PCDHGA12: variants seen among roughly 807,000 people sequenced by gnomAD.
PCDHGA12 encodes the protein protocadherin gamma-A12.
In PCDHGA12, 43 loss-of-function variants were observed where a neutral mutation model predicts 61.1. That is an observed-to-expected ratio of 0.70 (90% confidence interval 0.55 to 0.91). The LOEUF (loss-of-function observed/expected upper bound fraction) is 0.91. Ranked by LOEUF, PCDHGA12 falls within the 40% of genes least tolerant of loss-of-function variation. The pLI, the probability that PCDHGA12 is intolerant of heterozygous loss-of-function variation, is 0.00. For synonymous variants in PCDHGA12, 520 were observed against 542.9 expected (o/e 0.96, Z 0.59); for missense variants, 1,236 against 1,227.7 (o/e 1.01, Z -0.10).
At chr5:141,455,860 ATTATTTATTTATTTATTTATTTAT>A (rs145569377) in intron 1 of PCDHGA12, among the ~76,000 whole-genome samples, 10 of 139,848 alleles carry the variant, frequency 7.2e-5, no homozygotes, top group Admixed American at 5.1e-4. Flanking sequence ...AATTTCTTTT[ATTATTTATTTATTTATTTATTTAT>A]TTATTTATTT....
intron 2 of PCDHGA12, among the ~76,000 whole-genome samples, chr5:141,498,555 C>T (rs2099784323): frequency 6.6e-6 from 1 of 152,032 alleles, no homozygotes; most frequent in South Asian, 2.1e-4. Flanking sequence ...GACACACCAG[C>T]TTCAAAGCAG....
chr5:141,452,533 A>G lies in PCDHGA12; in HGVS notation c.2424+19350A>G, dbSNP rs562306062. ...CACACTCCCTCAAAATCGTGAGTTC[A>G]TATTGATACCTCCAGTTCTGGTTCT... On this transcript the variant is annotated intron_variant, in intron 1 of 3. Transcript: ENST00000252085. Among the ~76,000 whole-genome samples the G allele has an allele frequency of 2.0e-5, 3 of 152,328 alleles. No individual in the cohort carries two copies. The East Asian group carries it at 5.8e-4, about 29-fold the overall frequency.
chr5:141,452,387 G>A (rs1052689230), intron 1 of PCDHGA12, among the ~76,000 whole-genome samples: 5 of 152,146 alleles, frequency 3.3e-5, no homozygotes, highest in African/African-American at 1.2e-4. Context: ...ATAGTATTTA[G>A]AAACTAAGAT....
In PCDHGA12 at chr5:141,477,595, T is replaced by C. The variant is rs1289890776; in HGVS notation, c.2425-17212T>C. The C allele has an allele frequency of 6.2e-7, 1 of 1,614,176 alleles. No individual in the cohort carries two copies. Among genetic ancestry groups the C allele is most frequent in the Non-Finnish European group, 8.5e-7 (1 of 1,180,032 alleles). ...ACGCCCCGCAGAATGCTCGGCTTTC[T>C]TTCTTTCTCTTGGAGCAAGGAGCTG... On this transcript the variant is annotated intron_variant, in intron 1 of 3. Coordinates refer to ENST00000252085, the MANE Select transcript of PCDHGA12 (RefSeq NM_003735.3). This position sits in a 1 kb window ranked among gnomAD's most constrained non-coding sequence, Gnocchi z 4.9.
chr5:141,471,846 T>C (rs2099265433), intron 1 of PCDHGA12, among the ~76,000 whole-genome samples: 1 of 152,180 alleles, frequency 6.6e-6, no homozygotes. Context: ...AATAAAATAT[T>C]CAGAAAAAGC....
intron 2 of PCDHGA12, among the ~76,000 whole-genome samples, chr5:141,495,662 C>G (rs545912968): frequency 6.6e-6 from 1 of 152,138 alleles, no homozygotes; most frequent in Admixed American, 6.6e-5. Flanking sequence ...TGATCTGTGC[C>G]GCCCACTGTG....
intron 1 of PCDHGA12, among the ~76,000 whole-genome samples, chr5:141,481,103 C>G (rs190529217): frequency 2.6e-4 from 39 of 152,252 alleles, no homozygotes; most frequent in Non-Finnish European, 3.4e-4. Context: ...TACTCTGGAA[C>G]CTACCAATCC....
In PCDHGA12 at chr5:141,432,446, C is replaced by T. The variant is rs765059815; in HGVS notation, c.1687C>T (p.Leu563=). The T allele has an allele frequency of 1.2e-6, 2 of 1,614,256 alleles. No individual in the cohort carries two copies. Among genetic ancestry groups the T allele is most frequent in the Non-Finnish European group, 8.5e-7 (1 of 1,180,052 alleles). The change falls in exon 1 of 4, where the codon CTG becomes TTG. Residue 563 remains leucine, a synonymous_variant. Transcript: ENST00000252085. The surrounding 1 kb of genome is among the most constrained non-coding windows in gnomAD (Gnocchi z 6.0). ...LDQNDNAPEI[L]YPALPTDGST... ...CCAGAACGACAATGCGCCCGAGATC[C>T]TGTACCCCGCCCTCCCCACGGACGG...
intron 1 of PCDHGA12, among the ~76,000 whole-genome samples, chr5:141,462,483 G>T (rs1402125086): frequency 2.0e-5 from 3 of 151,986 alleles, no homozygotes; most frequent in African/African-American, 7.3e-5. Context: ...TCTCGTGGTT[G>T]TTGTATCCTA....
intron 1 of PCDHGA12, among the ~76,000 whole-genome samples, chr5:141,480,720 G>C (rs2099524423): frequency 6.6e-6 from 1 of 152,146 alleles, no homozygotes; most frequent in Non-Finnish European, 1.5e-5. Context: ...TGAAAGCACA[G>C]TCTCTGGGGG....
chr5:141,486,346 C>G lies in PCDHGA12; in HGVS notation c.2425-8461C>G. 1 of 1,614,120 alleles carries G rather than the reference C, an allele frequency of 6.2e-7. No individual in the cohort carries two copies. Among genetic ancestry groups the G allele is most frequent in the East Asian group, 2.2e-5 (1 of 44,874 alleles). ...GAGATGTGAGCCTCCGCATTCCTGA[C>G]CACTTGCCATTTGCCCTCAAGTCTG... On this transcript the variant is annotated intron_variant, in intron 1 of 3. Coordinates refer to ENST00000252085, the MANE Select transcript of PCDHGA12 (RefSeq NM_003735.3). This position sits in a 1 kb window ranked among gnomAD's most constrained non-coding sequence, Gnocchi z 5.0.
chr5:141,441,671 C>T (rs1027440120), intron 1 of PCDHGA12: 1 of 287,648 alleles, frequency 3.5e-6, no homozygotes, highest in African/African-American at 2.3e-5. Flanking sequence ...GCGCACAGTG[C>T]GCCTTCGACC....
intron 1 of PCDHGA12, among the ~76,000 whole-genome samples, chr5:141,467,330 G>T (rs1335387199): frequency 6.6e-6 from 1 of 152,138 alleles, no homozygotes; most frequent in East Asian, 1.9e-4. Context: ...TGGGATTAGA[G>T]ACGTAAGCCA....
intron 1 of PCDHGA12, among the ~76,000 whole-genome samples, chr5:141,443,202 C>T (rs546748238): frequency 2.6e-5 from 4 of 152,172 alleles, no homozygotes; most frequent in Non-Finnish European, 1.5e-5. Flanking sequence ...GTACAAAGAG[C>T]TTGTCTCGCC....
In PCDHGA12 at chr5:141,487,135, A is replaced by T; in HGVS notation, c.2425-7672A>T. 6.2e-7 allele frequency: 1 copy of T among 1,613,544 alleles called. No individual in the cohort carries two copies. The highest frequency in any genetic ancestry group is 8.5e-7 in the Non-Finnish European group (1 of 1,179,856). ...TGGTAAAGGATAGTGGTAGTCCACC[A>T]CTCTCTACCTCTGTTACTCTCTTAG... On this transcript the variant is annotated intron_variant, in intron 1 of 3. Transcript: ENST00000252085. The surrounding 1 kb of genome is among the most constrained non-coding windows in gnomAD (Gnocchi z 5.0).
rs777288812 is a variant in PCDHGA12 at position 141,487,236 on chromosome 5, G to A, written c.2425-7571G>A. The A allele has an allele frequency of 1.7e-5, 28 of 1,613,962 alleles. No homozygotes were observed. The highest frequency in any genetic ancestry group is 1.4e-4 in the South Asian group (13 of 91,070). On this transcript the variant is annotated intron_variant, in intron 1 of 3. Coordinates refer to ENST00000252085, the MANE Select transcript of PCDHGA12 (RefSeq NM_003735.3). This position sits in a 1 kb window ranked among gnomAD's most constrained non-coding sequence, Gnocchi z 5.0. ...TCAGCTCCAAGGGAAGGAGAATCTC[G>A]TCTAACCCTCTACTTGGCTGTGTCC... is the stretch of plus-strand genomic sequence containing the variant.
Position 141,476,264 on chromosome 5 carries a change from G to C in PCDHGA12, c.2425-18543G>C, listed in dbSNP as rs753184649. The C allele has an allele frequency of 6.2e-7, 1 of 1,614,082 alleles. No individual in the cohort carries two copies. Among genetic ancestry groups the C allele is most frequent in the Non-Finnish European group, 8.5e-7 (1 of 1,180,010 alleles). On this transcript the variant is annotated intron_variant, in intron 1 of 3. Transcript: ENST00000252085. This position sits in a 1 kb window ranked among gnomAD's most constrained non-coding sequence, Gnocchi z 7.6. ...AGAGAAGGGTTTCGCTGTGGGCAAC[G>C]TGGTCGCGAACCTTGGTTTGGATCT...
intron 1 of PCDHGA12, among the ~76,000 whole-genome samples, chr5:141,447,285 A>G (rs143024915): frequency 0.046 from 7,013 of 152,060 alleles, 241 homozygotes; most frequent in African/African-American, 0.093. Context: ...GACTACAGGC[A>G]CATGCCACCA....
At position 141,430,817 on chromosome 5, in the gene PCDHGA12, C is replaced by T. The variant is rs200369093; in HGVS notation, c.58C>T (p.Leu20=). 1.3e-6 allele frequency: 2 copies of T among 1,539,796 alleles called. No homozygotes were observed. The highest frequency in any genetic ancestry group is 1.7e-6 in the Non-Finnish European group (2 of 1,147,690). The change falls in exon 1 of 4, where the codon CTG becomes TTG. Residue 20 remains leucine, a synonymous_variant. Transcript: ENST00000252085. ...AGGGCTTGTCCTGCTGGGAATCCTC[C>T]TGGGGACTCTGTGGGAGACCGGATG... is the stretch of plus-strand genomic sequence containing the variant. ...YKGLVLLGIL[L]GTLWETGCTQ...
Sources: allele counts gnomAD v4.1 joint callset (sites outside exome capture counted in the v4.1 genomes callset), GRCh38; gene constraint gnomAD v4.1.1; non-coding constraint Gnocchi (gnomAD v3.1); transcripts MANE v1.5; gene names NCBI Gene and HGNC (gene_info 2026-07-23, HGNC 2026-07-21).